PRKD3: variants seen among roughly 807,000 people sequenced by gnomAD.
PRKD3 encodes the protein serine/threonine-protein kinase D3.
Under a neutral mutation model 99.2 loss-of-function variants are expected in PRKD3, and 47 were observed. The ratio of observed to expected loss-of-function variants is 0.47; its 90% CI spans 0.38 to 0.60. PRKD3 has a LOEUF of 0.60. PRKD3 is among the 20% of genes least tolerant of loss of function. The probability of loss-of-function intolerance (pLI) is 0.00; values close to 1 mark genes in which losing one functional copy is unlikely to be tolerated. For synonymous variants in PRKD3, 392 were observed against 355.4 expected (o/e 1.10, Z -1.16); for missense variants, 1,019 against 1,088.4 (o/e 0.94, Z 0.90).
At chr2:37,257,882 A>C (rs138765346) in intron 16 of PRKD3, among the ~76,000 whole-genome samples, 1,932 of 152,184 alleles carry the variant, frequency 0.013, 17 homozygotes, top group Middle Eastern at 0.027. Context: ...CTGTGGAACA[A>C]ATTATTTCTA....
intron 2 of PRKD3, among the ~76,000 whole-genome samples, chr2:37,300,215 G>A (rs1027861489): frequency 6.6e-6 from 1 of 152,124 alleles, no homozygotes; most frequent in Non-Finnish European, 1.5e-5. Flanking sequence ...CCTATAATTT[G>A]CAACAACATG....
At chr2:37,300,021 A>G (rs6754376) in intron 2 of PRKD3, among the ~76,000 whole-genome samples, 11,026 of 152,240 alleles carry the variant, frequency 0.072, 437 homozygotes, top group Middle Eastern at 0.099. Context: ...ATCTCGCTAC[A>G]GGGTATCTAC....
At chr2:37,283,264 T>G (rs1352632413) in intron 6 of PRKD3, among the ~76,000 whole-genome samples, 1 of 152,106 alleles carries the variant, frequency 6.6e-6, no homozygotes, top group Non-Finnish European at 1.5e-5. Context: ...TTGCGCCCTA[T>G]CCCAGACCTA....
intron 2 of PRKD3, among the ~76,000 whole-genome samples, chr2:37,312,501 A>G (rs1042300291): frequency 6.6e-6 from 1 of 152,210 alleles, no homozygotes; most frequent in Non-Finnish European, 1.5e-5. Context: ...TTCTTGTTCC[A>G]GCTCTTATAG....
intron 16 of PRKD3, among the ~76,000 whole-genome samples, chr2:37,258,945 G>T (rs1003455654): frequency 2.0e-5 from 3 of 152,042 alleles, no homozygotes; most frequent in Admixed American, 2.0e-4. Context: ...AATGGCTGCA[G>T]GGTACCACCA....
At position 37,314,417 on chromosome 2, in the gene PRKD3, T is replaced by C. The variant is rs532205732; in HGVS notation, c.288+1820A>G. ...CACTCTAGTTGCTCACAGATCAAGATTTTTAATCTGGTTCTCCAAGAATTT... is the reference window on the plus strand; with the variant it reads ...CACTCTAGTTGCTCACAGATCAAGACTTTTAATCTGGTTCTCCAAGAATTT... On this transcript the variant is annotated intron_variant, in intron 2 of 18. Coordinates refer to ENST00000234179, the MANE Select transcript of PRKD3 (RefSeq NM_005813.6). 2.6e-5 allele frequency among the ~76,000 whole-genome samples: 4 copies of C among 152,336 alleles called. No homozygotes were observed. The South Asian group carries it at 8.3e-4, about 32-fold the overall frequency.
intron 2 of PRKD3, among the ~76,000 whole-genome samples, chr2:37,311,753 C>T (rs553530639): frequency 6.6e-6 from 1 of 152,210 alleles, no homozygotes; most frequent in African/African-American, 2.4e-5. Flanking sequence ...CAGATTGTTA[C>T]TTATCTGGTC....
Position 37,289,523 on chromosome 2 carries a change from T to C in PRKD3, c.560-10A>G, listed in dbSNP as rs2124833700. 1 of 1,596,424 alleles carries C rather than the reference T, an allele frequency of 6.3e-7. No individual in the cohort carries two copies. The highest frequency in any genetic ancestry group is 8.5e-7 in the Non-Finnish European group (1 of 1,170,502). On this transcript the variant is annotated splice_polypyrimidine_tract_variant and intron_variant, in intron 4 of 18. Coordinates refer to ENST00000234179, the MANE Select transcript of PRKD3 (RefSeq NM_005813.6). Reference sequence around the variant, plus strand: ...TAATTTAATCCACAGCCTAAACATATTTTACAAGGTAAAATATAAGATTTA... The same window carrying C: ...TAATTTAATCCACAGCCTAAACATACTTTACAAGGTAAAATATAAGATTTA...
intron 2 of PRKD3, among the ~76,000 whole-genome samples, chr2:37,309,735 C>A (rs2124888867): frequency 6.6e-6 from 1 of 151,592 alleles, no homozygotes; most frequent in East Asian, 1.9e-4. Flanking sequence ...ATAATCCCAG[C>A]TACTCGGGAG....
At chr2:37,301,564 G>C (rs540789397) in intron 2 of PRKD3, among the ~76,000 whole-genome samples, 1 of 151,934 alleles carries the variant, frequency 6.6e-6, no homozygotes, top group African/African-American at 2.4e-5. Context: ...CTCCCAAAGT[G>C]CTGAGATTAT....
chr2:37,269,281 GAAT>G (rs1669059639), intron 13 of PRKD3: 2 of 274,636 alleles, frequency 7.3e-6, no homozygotes, highest in Non-Finnish European at 1.5e-5. Context: ...AACTAGTAGG[GAAT>G]ATACTTCAAT....
In PRKD3 at chr2:37,282,606, G is replaced by C; in HGVS notation, c.924C>G (p.Asn308Lys). 2 of 1,598,862 alleles carry C rather than the reference G, an allele frequency of 1.3e-6. No homozygotes were observed. The highest frequency in any genetic ancestry group is 2.2e-5 in the South Asian group (2 of 90,690). ...QGMQCKDCKF[N>K]CHKRCASKVP... is the part of the protein sequence containing the mutation. Reference sequence around the variant, plus strand: ...CTTTTGATGCACAGCGTTTATGGCAGTTGAATTTGCAATCTAAAATGAAAA... The same window carrying C: ...CTTTTGATGCACAGCGTTTATGGCACTTGAATTTGCAATCTAAAATGAAAA... The change falls in exon 7 of 19, where the codon AAC becomes AAG. Residue 308 changes from asparagine (N) to lysine (K), a missense_variant. This residue lies in a region of PRKD3 where 710 missense variants were observed against 692.7 expected (regional missense o/e 1.02). Transcript: ENST00000234179.
At chr2:37,291,171 A>G (rs1399650132) in intron 3 of PRKD3, among the ~76,000 whole-genome samples, 172 bp from the exon 4 acceptor site, 1 of 152,250 alleles carries the variant, frequency 6.6e-6, no homozygotes, top group African/African-American at 2.4e-5. Context: ...TAGTTTAGCA[A>G]GTCCATTTAC....
At chr2:37,320,045 T>G (rs1671814798) in intron 1 of PRKD3, among the ~76,000 whole-genome samples, 2 of 152,208 alleles carry the variant, frequency 1.3e-5, no homozygotes, top group South Asian at 4.1e-4. Context: ...CAGCAATTAG[T>G]TGAAGGAATT....
At chr2:37,300,749 A>G (rs1670888592) in intron 2 of PRKD3, among the ~76,000 whole-genome samples, 2 of 152,246 alleles carry the variant, frequency 1.3e-5, no homozygotes, top group Admixed American at 1.3e-4. Flanking sequence ...GAGTATGAGC[A>G]ATACCCAATG....
chr2:37,312,936 A>C (rs1465662833), intron 2 of PRKD3, among the ~76,000 whole-genome samples: 1 of 152,234 alleles, frequency 6.6e-6, no homozygotes, highest in Non-Finnish European at 1.5e-5. Flanking sequence ...ACTTTACAGA[A>C]TATAACTACT....
chr2:37,292,638 G>A lies in PRKD3; in HGVS notation c.427+495C>T, dbSNP rs554320971. On this transcript the variant is annotated intron_variant, in intron 3 of 18. Transcript: ENST00000234179. Reference sequence around the variant, plus strand: ...TGGGATTACAGGCGTGAGCCACCGCGCCAGGCCTTTCTTTTGCTTTTTTAA... The same window carrying A: ...TGGGATTACAGGCGTGAGCCACCGCACCAGGCCTTTCTTTTGCTTTTTTAA... Among the ~76,000 whole-genome samples, 7 of 148,552 alleles carry A rather than the reference G, an allele frequency of 4.7e-5. No homozygotes were observed. The East Asian group carries it at 8.2e-4, about 17-fold the overall frequency.
intron 7 of PRKD3, 117 bp from the exon 8 acceptor site, chr2:37,280,046 G>C (rs944730326): frequency 3.4e-6 from 2 of 587,670 alleles, no homozygotes; most frequent in South Asian, 2.6e-5. Context: ...GTTAAGTAAA[G>C]TATTTCTCTT....
At chr2:37,284,295 A>T (rs1430411911) in intron 6 of PRKD3, among the ~76,000 whole-genome samples, 1 of 152,256 alleles carries the variant, frequency 6.6e-6, no homozygotes, top group Admixed American at 6.5e-5. Flanking sequence ...GCTTAGCTAT[A>T]CTGAAATAAA....
Sources: gnomAD v4.1 joint callset for allele counts (sites outside exome capture counted in the v4.1 genomes callset) on GRCh38, gnomAD v4.1.1 for gene constraint, gnomAD v4.1.1 regional missense constraint, MANE v1.5 for transcripts, NCBI Gene and HGNC (gene_info 2026-07-23, HGNC 2026-07-21) for gene names.